Variants in CEP63 observed in about 807,000 individuals in gnomAD.
CEP63 encodes the protein centrosomal protein 63, also known as centrosomal protein of 63 kDa.
In CEP63, 84 loss-of-function variants were observed where a neutral mutation model predicts 89.1. The observed-to-expected ratio is 0.94, with a 90% confidence interval of 0.79 to 1.13. CEP63 has a LOEUF of 1.13. Among genes scored for constraint, CEP63 ranks in the 50% most tolerant of loss-of-function variants. The pLI is 0.00. For missense variants in CEP63, 838 were observed against 813.3 expected (o/e 1.03, Z -0.37); for synonymous variants, 267 against 272.5 (o/e 0.98, Z 0.20).
chr3:134,492,696 G>A (rs1269325366), intron 1 of CEP63, among the ~76,000 whole-genome samples: 2 of 151,592 alleles, frequency 1.3e-5, no homozygotes, highest in African/African-American at 4.9e-5. Flanking sequence ...CAGTAGTGAT[G>A]TCATACTTCA....
chr3:134,726,113 GT>G, the CEP63 span, among the ~76,000 whole-genome samples: 1 of 152,138 alleles, frequency 6.6e-6, no homozygotes, highest in African/African-American at 2.4e-5. Flanking sequence ...GATTTCTGAT[GT>G]TTCAAAACAA....
At chr3:134,582,886 T>C (rs1958394272) in intron 10 of CEP63, among the ~76,000 whole-genome samples, 1 of 152,240 alleles carries the variant, frequency 6.6e-6, no homozygotes. Context: ...TGGTGTGAGA[T>C]GGTATCTCAT....
At chr3:134,581,967 G>A (rs1208507756) in intron 10 of CEP63, among the ~76,000 whole-genome samples, 1 of 151,890 alleles carries the variant, frequency 6.6e-6, no homozygotes, top group African/African-American at 2.4e-5. Flanking sequence ...GAGCCACCGC[G>A]CCCGGCCGAA....
intron 2 of CEP63, among the ~76,000 whole-genome samples, chr3:134,505,109 A>G (rs1462738425): frequency 6.6e-6 from 1 of 152,162 alleles, no homozygotes; most frequent in South Asian, 2.1e-4. Context: ...GGCATTTCAT[A>G]CATTTCCTTT....
intron 11 of CEP63, among the ~76,000 whole-genome samples, chr3:134,573,125 G>C (rs926726000): frequency 7.2e-5 from 11 of 152,014 alleles, no homozygotes; most frequent in African/African-American, 2.7e-4. Context: ...TTTGCTTGTT[G>C]AGTTGTTTAA....
At chr3:134,495,253 A>G in intron 1 of CEP63, 43 bp from the exon 2 acceptor site, 1 of 1,342,458 alleles carries the variant, frequency 7.4e-7, no homozygotes, top group Non-Finnish European at 1.1e-6. Context: ...GTTAGAACTG[A>G]AGAAATGAAT....
chr3:134,506,808 C>G (rs1276562182), intron 2 of CEP63, among the ~76,000 whole-genome samples: 1 of 150,894 alleles, frequency 6.6e-6, no homozygotes, highest in African/African-American at 2.4e-5. Context: ...ATCCCAGCTA[C>G]TCGGGAGGCT....
At chr3:134,769,871 G>A in the CEP63 span, among the ~76,000 whole-genome samples, 24 of 152,226 alleles carry the variant, frequency 1.6e-4, no homozygotes, top group Non-Finnish European at 2.2e-4. Flanking sequence ...AGGGCCTATG[G>A]CTATTTATCG....
chr3:134,737,644 A>G, the CEP63 span, among the ~76,000 whole-genome samples: 23 of 152,182 alleles, frequency 1.5e-4, no homozygotes, highest in African/African-American at 5.5e-4. Context: ...AAATTTGGAA[A>G]GGGCTTAGTT....
At chr3:134,668,624 T>G in the CEP63 span, among the ~76,000 whole-genome samples, 2 of 152,174 alleles carry the variant, frequency 1.3e-5, no homozygotes, top group Admixed American at 1.3e-4. Flanking sequence ...AGATTTTCAG[T>G]ATCTTCTAAG....
chr3:134,722,051 A>C, the CEP63 span, among the ~76,000 whole-genome samples: 1 of 152,104 alleles, frequency 6.6e-6, no homozygotes, highest in East Asian at 1.9e-4. Context: ...ATTTTGTATT[A>C]ATTCCTTTTG....
chr3:134,758,374 C>T, the CEP63 span, among the ~76,000 whole-genome samples: 2 of 152,156 alleles, frequency 1.3e-5, no homozygotes, highest in African/African-American at 4.8e-5. Flanking sequence ...TAATGCCTGG[C>T]ACAAAGACAG....
intron 3 of CEP63, among the ~76,000 whole-genome samples, chr3:134,516,495 T>TG (rs1423320362): frequency 5.3e-5 from 8 of 152,262 alleles, no homozygotes; most frequent in Non-Finnish European, 1.0e-4. Flanking sequence ...GGTGTCGGGC[T>TG]GGGGGACGGT....
chr3:134,702,220 CA>C, the CEP63 span, among the ~76,000 whole-genome samples: 6 of 151,802 alleles, frequency 4.0e-5, no homozygotes, highest in African/African-American at 1.5e-4. Context: ...AGAGATGACA[CA>C]AAAAAATGGA....
chr3:134,740,965 T>C, the CEP63 span, among the ~76,000 whole-genome samples: 2 of 152,138 alleles, frequency 1.3e-5, no homozygotes, highest in Admixed American at 1.3e-4. Context: ...CAAGGTCCTG[T>C]GCTGGTCCCT....
At chr3:134,774,542 C>T in the CEP63 span, among the ~76,000 whole-genome samples, 1 of 152,164 alleles carries the variant, frequency 6.6e-6, no homozygotes, top group Non-Finnish European at 1.5e-5. Flanking sequence ...CCAGGTGGGA[C>T]AGCTGAAAGA....
chr3:134,559,906 C>T (rs1388970287), intron 14 of CEP63, among the ~76,000 whole-genome samples: 2 of 152,208 alleles, frequency 1.3e-5, no homozygotes, highest in African/African-American at 4.8e-5. Context: ...GTGCCTTGGA[C>T]ACCATGCCGG....
chr3:134,703,956 A>G, the CEP63 span, among the ~76,000 whole-genome samples: 1 of 152,100 alleles, frequency 6.6e-6, no homozygotes, highest in Non-Finnish European at 1.5e-5. Flanking sequence ...CTCAAATTAT[A>G]CTTTCCCATT....
At chr3:134,774,869 C>A in the CEP63 span, among the ~76,000 whole-genome samples, 1 of 152,168 alleles carries the variant, frequency 6.6e-6, no homozygotes, top group Non-Finnish European at 1.5e-5. Context: ...AGCTTTGGAG[C>A]CCAAGGGCTT....
Sources: gnomAD v4.1 joint callset for allele counts (sites outside exome capture counted in the v4.1 genomes callset) on GRCh38, gnomAD v4.1.1 for gene constraint, MANE v1.5 for transcripts, NCBI Gene and HGNC (gene_info 2026-07-23, HGNC 2026-07-21) for gene names.